CTNNA2: variants seen among roughly 807,000 people sequenced by gnomAD.
The protein encoded by CTNNA2 is catenin alpha 2, also known as catenin alpha-2.
Under a neutral mutation model 101.0 loss-of-function variants are expected in CTNNA2, and 42 were observed. The ratio of observed to expected loss-of-function variants is 0.42; its 90% CI spans 0.32 to 0.54. The LOEUF is 0.54. CTNNA2 is among the 20% of genes least tolerant of loss of function. The probability of loss-of-function intolerance (pLI) is 0.14; values close to 1 mark genes in which losing one functional copy is unlikely to be tolerated. For missense variants in CTNNA2, 871 were observed against 1,223.1 expected (o/e 0.71, Z 4.29); for synonymous variants, 450 against 456.4 (o/e 0.99, Z 0.18).
chr2:80,336,044 A>G (rs1026042731), intron 7 of CTNNA2, among the ~76,000 whole-genome samples: 1 of 152,202 alleles, frequency 6.6e-6, no homozygotes, highest in African/African-American at 2.4e-5. Context: ...GAAATTGTAT[A>G]GTGCACACCC....
At chr2:80,134,601 A>T (rs529654787) in intron 7 of CTNNA2, among the ~76,000 whole-genome samples, 1 of 152,278 alleles carries the variant, frequency 6.6e-6, no homozygotes, top group Admixed American at 6.5e-5. Flanking sequence ...AGGCACACTG[A>T]TGACTGGGTG....
At chr2:80,162,789 T>G in intron 7 of CTNNA2, 1 of 1,588,376 alleles carries the variant, frequency 6.3e-7, no homozygotes, top group Middle Eastern at 1.7e-4. Context: ...ATATGACATT[T>G]GTCTCAAAGC....
At chr2:79,461,708 G>C (rs1670881347) in intron 4 of CTNNA2, among the ~76,000 whole-genome samples, 1 of 151,856 alleles carries the variant, frequency 6.6e-6, no homozygotes, top group Non-Finnish European at 1.5e-5. Context: ...TCCATCAATG[G>C]TCACAAGTTA....
At chr2:80,365,845 T>A (rs1040500930) in intron 7 of CTNNA2, among the ~76,000 whole-genome samples, 31 of 152,162 alleles carry the variant, frequency 2.0e-4, no homozygotes, top group African/African-American at 6.3e-4. Context: ...TACAGTAGCA[T>A]TGTAATTAAG....
intron 7 of CTNNA2, among the ~76,000 whole-genome samples, chr2:80,322,385 C>A (rs995571220): frequency 6.6e-6 from 1 of 152,182 alleles, no homozygotes; most frequent in African/African-American, 2.4e-5. Flanking sequence ...TTCCTCAGCT[C>A]ACTCTGCACG....
chr2:79,684,440 T>G (rs1328913720), intron 2 of CTNNA2, among the ~76,000 whole-genome samples: 1 of 152,194 alleles, frequency 6.6e-6, no homozygotes, highest in African/African-American at 2.4e-5. Context: ...CATATTTAGC[T>G]AAATATGAAT....
At chr2:80,010,676 G>T (rs994086566) in intron 7 of CTNNA2, among the ~76,000 whole-genome samples, 9 of 151,490 alleles carry the variant, frequency 5.9e-5, no homozygotes, top group Admixed American at 2.6e-4. Context: ...GGATGGTCTA[G>T]TTAGGTTGGT....
intron 14 of CTNNA2, among the ~76,000 whole-genome samples, chr2:80,584,299 G>GT (rs2149724064): frequency 6.6e-6 from 1 of 152,148 alleles, no homozygotes; most frequent in South Asian, 2.1e-4. Context: ...AAGAAGGTTT[G>GT]AGTGGGAGAT....
intron 7 of CTNNA2, among the ~76,000 whole-genome samples, chr2:80,285,976 C>G (rs1374161081): frequency 6.6e-6 from 1 of 152,082 alleles, no homozygotes; most frequent in Admixed American, 6.6e-5. Context: ...AATTGACTGT[C>G]AATTTCCATA....
At chr2:80,519,166 T>C (rs1285220014) in intron 9 of CTNNA2, among the ~76,000 whole-genome samples, 1 of 152,046 alleles carries the variant, frequency 6.6e-6, no homozygotes, top group Non-Finnish European at 1.5e-5. Context: ...ATTTATATTA[T>C]AAAATCAAGG....
intron 15 of CTNNA2, among the ~76,000 whole-genome samples, chr2:80,592,492 A>C (rs548124734): frequency 6.6e-6 from 1 of 152,292 alleles, no homozygotes; most frequent in African/African-American, 2.4e-5. Context: ...CTTACAACCT[A>C]TTCCAAAAAG....
At chr2:79,193,936 C>T (rs1309423047) in intron 1 of CTNNA2, among the ~76,000 whole-genome samples, 4 of 152,170 alleles carry the variant, frequency 2.6e-5, no homozygotes, top group Non-Finnish European at 5.9e-5. Flanking sequence ...TTGCTTTGCA[C>T]ATAGTGCATG....
chr2:79,377,963 A>G (rs1161967361), intron 4 of CTNNA2, among the ~76,000 whole-genome samples: 1 of 152,152 alleles, frequency 6.6e-6, no homozygotes, highest in Non-Finnish European at 1.5e-5. Context: ...TTGCACATAC[A>G]GTAAAATCTA....
chr2:79,401,323 A>C, intron 4 of CTNNA2, among the ~76,000 whole-genome samples: 1 of 151,372 alleles, frequency 6.6e-6, no homozygotes, highest in Non-Finnish European at 1.5e-5. Flanking sequence ...TGCAAAAATA[A>C]AAATAATATA....
chr2:79,885,173 G>A (rs1683757445), intron 6 of CTNNA2, among the ~76,000 whole-genome samples: 1 of 151,982 alleles, frequency 6.6e-6, no homozygotes, highest in South Asian at 2.1e-4. Context: ...TGGAGATCCA[G>A]GGTTGGAGTG....
At chr2:80,075,745 A>ACTTGTATAAATATTAT (rs1698695168) in intron 7 of CTNNA2, among the ~76,000 whole-genome samples, 2 of 113,278 alleles carry the variant, frequency 1.8e-5, no homozygotes, top group Non-Finnish European at 3.2e-5. Context: ...TAAATATTAT[A>ACTTGTATAAATATTAT]AAAATAATAT....
chr2:80,559,625 A>AT (rs1445150777), intron 12 of CTNNA2, among the ~76,000 whole-genome samples: 2 of 152,182 alleles, frequency 1.3e-5, no homozygotes, highest in African/African-American at 4.8e-5. Context: ...TTATGTACAA[A>AT]TTTACCTGTT....
intron 1 of CTNNA2, among the ~76,000 whole-genome samples, chr2:79,639,398 A>G (rs1680293665): frequency 6.6e-6 from 1 of 152,202 alleles, no homozygotes; most frequent in Non-Finnish European, 1.5e-5. Context: ...TTTATTTAAC[A>G]ATGCATTATG....
At chr2:80,522,792 C>T (rs573844018) in intron 9 of CTNNA2, among the ~76,000 whole-genome samples, 4 of 152,216 alleles carry the variant, frequency 2.6e-5, no homozygotes, top group East Asian at 3.9e-4. Flanking sequence ...AGCAGAGGCC[C>T]GTACAGCCTG....
Sources: gnomAD v4.1 joint callset for allele counts (sites outside exome capture counted in the v4.1 genomes callset) on GRCh38, gnomAD v4.1.1 for gene constraint, MANE v1.5 for transcripts, NCBI Gene and HGNC (gene_info 2026-07-23, HGNC 2026-07-21) for gene names.